Variants in LPA observed in about 807,000 individuals in gnomAD.
LPA encodes the protein apolipoprotein(a).
Under a neutral mutation model 197.9 loss-of-function variants are expected in LPA, and 199 were observed. The observed-to-expected ratio is 1.01, with a 90% CI of 0.90 to 1.13. The LOEUF (loss-of-function observed/expected upper bound fraction) is 1.13, where lower values mean the gene tolerates loss of function less well. Among genes scored for constraint, LPA ranks in the 50% most tolerant of loss-of-function variants. The probability of loss-of-function intolerance (pLI) is 0.00; values close to 1 mark genes in which losing one functional copy is unlikely to be tolerated. For synonymous variants in LPA, 715 were observed against 639.5 expected (o/e 1.12, Z -1.78); for missense variants, 1,853 against 1,785.8 (o/e 1.04, Z -0.68).
intron 16 of LPA, among the ~76,000 whole-genome samples, chr6:160,609,952 C>CT (rs1254559035): frequency 6.6e-6 from 1 of 151,998 alleles, no homozygotes; most frequent in Admixed American, 6.5e-5. Flanking sequence ...TTAAGACATA[C>CT]TTTTTGTATA....
intron 37 of LPA, among the ~76,000 whole-genome samples, chr6:160,533,961 C>T (rs1777844950): frequency 6.6e-6 from 1 of 152,226 alleles, no homozygotes; most frequent in Non-Finnish European, 1.5e-5. Flanking sequence ...ATCCAAGTTT[C>T]CAATGTTGCA....
rs145883144 is a variant in LPA at position 160,651,318 on chromosome 6, CTG to C, written c.50-823_50-822del. Among the ~76,000 whole-genome samples the C allele has an allele frequency of 6.8e-3, 1,029 of 152,286 alleles. 10 individuals are homozygous for C. The highest frequency in any genetic ancestry group is 0.023 in the African/African-American group (973 of 41,548). On this transcript the variant is annotated intron_variant, in intron 1 of 38. Coordinates refer to ENST00000316300, the MANE Select transcript of LPA (RefSeq NM_005577.4). The stretch of plus-strand genomic sequence containing the variant: ...GATTATGTGTATGAAGATATCCCCT[CTG>C]TAGTGCAGGCATGCAGTGACTGCTA...
At chr6:160,532,694 T>C in intron 37 of LPA, 45 bp from the exon 38 acceptor site, 1 of 1,290,244 alleles carries the variant, frequency 7.8e-7, no homozygotes, top group Non-Finnish European at 1.1e-6. Context: ...GGCCAAAGCT[T>C]GTTCACGAGG....
At chr6:160,610,093 A>G (rs1462618441) in intron 16 of LPA, among the ~76,000 whole-genome samples, 1 of 152,110 alleles carries the variant, frequency 6.6e-6, no homozygotes, top group East Asian at 1.9e-4. Context: ...ATGCAATTCT[A>G]ATTATCGATG....
chr6:160,584,010 G>GC (rs2115036812), intron 26 of LPA, among the ~76,000 whole-genome samples: 1 of 152,158 alleles, frequency 6.6e-6, no homozygotes, highest in South Asian at 2.1e-4. Context: ...CCATGTACCT[G>GC]CCCATTTTAA....
intron 28 of LPA, among the ~76,000 whole-genome samples, chr6:160,571,521 A>G (rs564574329): frequency 1.3e-5 from 2 of 152,234 alleles, no homozygotes; most frequent in South Asian, 4.1e-4. Flanking sequence ...TGGGAGTTTT[A>G]TCTATAAGCT....
At chr6:160,558,014 G>A (rs1047549974) in intron 28 of LPA, among the ~76,000 whole-genome samples, 1 of 151,878 alleles carries the variant, frequency 6.6e-6, no homozygotes, top group African/African-American at 2.4e-5. Flanking sequence ...CTGCCTCCTG[G>A]GTTCAAGCCA....
chr6:160,657,243 G>A (rs976767688), intron 1 of LPA, among the ~76,000 whole-genome samples: 2 of 152,142 alleles, frequency 1.3e-5, no homozygotes, highest in African/African-American at 2.4e-5. Flanking sequence ...CAGCTGGGAT[G>A]AGTAGGTCTA....
chr6:160,620,922 G>A (rs62441755), intron 12 of LPA, among the ~76,000 whole-genome samples: 14 of 66,544 alleles, frequency 2.1e-4, no homozygotes, highest in African/African-American at 1.2e-3. Flanking sequence ...GTGTGTGTGT[G>A]TGTGTGTGTA....
chr6:160,577,766 G>A (rs956176849), intron 27 of LPA, among the ~76,000 whole-genome samples: 2 of 152,294 alleles, frequency 1.3e-5, no homozygotes. Context: ...CTACATTTAG[G>A]AGTGCAGGCA....
At chr6:160,578,120 T>C (rs973817591) in intron 27 of LPA, among the ~76,000 whole-genome samples, 1 of 152,202 alleles carries the variant, frequency 6.6e-6, no homozygotes, top group Non-Finnish European at 1.5e-5. Flanking sequence ...AAGGCCATGT[T>C]CTTAAGAAAC....
At chr6:160,597,709 C>T (rs1053609644) in intron 20 of LPA, among the ~76,000 whole-genome samples, 1 of 152,164 alleles carries the variant, frequency 6.6e-6, no homozygotes, top group African/African-American at 2.4e-5. Context: ...TTAAATCCAG[C>T]AATGCAGTTA....
intron 28 of LPA, among the ~76,000 whole-genome samples, chr6:160,576,381 T>TGTGTATATATATACAC (rs1778669041): frequency 1.7e-5 from 1 of 59,254 alleles, no homozygotes; most frequent in Admixed American, 2.3e-4. Flanking sequence ...TATATATATA[T>TGTGTATATATATACAC]ATATATATGT....
intron 1 of LPA, among the ~76,000 whole-genome samples, chr6:160,662,877 T>C (rs1409542019): frequency 2.0e-5 from 3 of 152,320 alleles, no homozygotes; most frequent in Admixed American, 6.5e-5. Context: ...TTCATCTAAC[T>C]ATGTATGTGC....
At chr6:160,647,348 C>T (rs1200409585) in intron 2 of LPA, among the ~76,000 whole-genome samples, 4 of 152,310 alleles carry the variant, frequency 2.6e-5, no homozygotes, top group Non-Finnish European at 5.9e-5. Flanking sequence ...CTCCCAAGAA[C>T]GTTGCTCCAA....
intron 19 of LPA, 97 bp from the exon 20 acceptor site, chr6:160,599,756 T>C (rs1233895274): frequency 7.6e-7 from 1 of 1,321,560 alleles, no homozygotes; most frequent in South Asian, 1.2e-5. Flanking sequence ...GTCACTGAGA[T>C]TTACAACCAT....
At chr6:160,611,403 C>T (rs1344247391) in intron 16 of LPA, among the ~76,000 whole-genome samples, 159 bp downstream of exon 16, 1 of 152,080 alleles carries the variant, frequency 6.6e-6, no homozygotes, top group African/African-American at 2.4e-5. Flanking sequence ...TTTCTCTTCT[C>T]TCAGACCCTT....
In LPA at chr6:160,532,636, A is replaced by G; in HGVS notation, c.5856T>C (p.Thr1952=). The change falls in exon 38 of 39, where the codon ACT becomes ACC. Residue 1952 remains threonine, a synonymous_variant. Transcript: ENST00000316300. The stretch of plus-strand genomic sequence containing the variant: ...GGAGCTGGGCTTCCTTGAGAAGGCC[A>G]GTCCCAAAGGTACCTGTGTTTAAAA... ...GWGETQGTFG[T]GLLKEAQLLV... is the part of the protein sequence containing the mutation. The G allele has an allele frequency of 4.4e-6, 7 of 1,601,618 alleles. No individual in the cohort carries two copies. The highest frequency in any genetic ancestry group is 1.1e-5 in the South Asian group (1 of 90,810).
chr6:160,533,764 T>C (rs1288596359), intron 37 of LPA, among the ~76,000 whole-genome samples: 2 of 152,204 alleles, frequency 1.3e-5, no homozygotes, highest in African/African-American at 2.4e-5. Flanking sequence ...CATTTTCTAA[T>C]TTACACTTCC....
Sources: gnomAD v4.1 joint callset for allele counts (sites outside exome capture counted in the v4.1 genomes callset) on GRCh38, gnomAD v4.1.1 for gene constraint, MANE v1.5 for transcripts, NCBI Gene and HGNC (gene_info 2026-07-23, HGNC 2026-07-21) for gene names.